The following CFAP54 variants were observed in gnomAD, a reference collection of about 807,000 sequenced individuals.
The protein encoded by CFAP54 is cilia and flagella associated protein 54.
A neutral mutation model predicts 370.4 loss-of-function variants in CFAP54; 290 were observed. The observed-to-expected ratio is 0.78, with a 90% CI of 0.71 to 0.86. The LOEUF (loss-of-function observed/expected upper bound fraction) is 0.86. CFAP54 is among the 40% of genes least tolerant of loss of function. The pLI is 0.00. For synonymous variants in CFAP54, 1,206 were observed against 1,236.5 expected, an observed-to-expected ratio of 0.98 and a Z score of 0.52; for missense variants, 3,399 against 3,528.7, an observed-to-expected ratio of 0.96 and a Z score of 0.93.
chr12:96,681,251 C>T (rs181454236), intron 40 of CFAP54, among the ~76,000 whole-genome samples: 3 of 152,254 alleles, frequency 2.0e-5, no homozygotes, highest in Admixed American at 1.3e-4. Context: ...CTCTAGTCCT[C>T]AGGCTGTAGA....
chr12:96,630,752 G>A, intron 32 of CFAP54, 101 bp downstream of exon 32: 1 of 565,616 alleles, frequency 1.8e-6, no homozygotes, highest in Non-Finnish European at 2.8e-6. Context: ...CCAGACAGGT[G>A]AAATCACTGC....
At chr12:96,840,864 T>C (rs1197490228) in intron 66 of CFAP54, among the ~76,000 whole-genome samples, 7 of 152,212 alleles carry the variant, frequency 4.6e-5, no homozygotes, top group Non-Finnish European at 1.0e-4. Flanking sequence ...CCACTTACTG[T>C]TCACTTCTAA....
At chr12:96,617,362 A>C (rs951816390) in intron 26 of CFAP54, among the ~76,000 whole-genome samples, 6 of 152,340 alleles carry the variant, frequency 3.9e-5, no homozygotes, top group South Asian at 2.1e-4. Flanking sequence ...CACCAGGGGG[A>C]TGGTGCATAG....
rs139455974 is a variant in CFAP54 at position 96,517,702 on chromosome 12, A to G, written c.799-1226A>G. The stretch of plus-strand genomic sequence containing the variant: ...AACCTTAGTCTAATTTAGAAGAGGT[A>G]CAGTGTCCACAACCAGGGACTGAAA... On this transcript the variant is annotated intron_variant, in intron 5 of 67. Transcript: ENST00000524981. Among the ~76,000 whole-genome samples the G allele has an allele frequency of 8.3e-4, 127 of 152,374 alleles. No homozygotes were observed. The East Asian group carries it at 0.021, about 25-fold the overall frequency.
intron 22 of CFAP54, among the ~76,000 whole-genome samples, chr12:96,587,319 A>G (rs1235453900): frequency 6.6e-6 from 1 of 152,156 alleles, no homozygotes; most frequent in Admixed American, 6.5e-5. Flanking sequence ...CAGTTCACAG[A>G]GTGAACCCTG....
At chr12:96,802,843 G>A (rs752144067) in intron 63 of CFAP54, among the ~76,000 whole-genome samples, 3 of 151,864 alleles carry the variant, frequency 2.0e-5, no homozygotes, top group African/African-American at 4.8e-5. Flanking sequence ...CCTACCCACC[G>A]ACAGGCCCCA....
intron 26 of CFAP54, among the ~76,000 whole-genome samples, chr12:96,619,834 A>G (rs368193505): frequency 1.4e-4 from 21 of 152,286 alleles, no homozygotes; most frequent in South Asian, 6.2e-4. Context: ...TCTTCTGCTC[A>G]TATACATTTC....
intron 4 of CFAP54, among the ~76,000 whole-genome samples, chr12:96,511,140 C>A (rs1158482145): frequency 1.3e-5 from 2 of 151,830 alleles, no homozygotes; most frequent in African/African-American, 4.8e-5. Context: ...ATGCCAAGTC[C>A]CTGAATGTTA....
At chr12:96,519,470 A>T (rs991675497) in intron 6 of CFAP54, among the ~76,000 whole-genome samples, 1 of 152,158 alleles carries the variant, frequency 6.6e-6, no homozygotes, top group Non-Finnish European at 1.5e-5. Context: ...ACAAAACCCA[A>T]CCAAAGAATT....
intron 50 of CFAP54, among the ~76,000 whole-genome samples, chr12:96,729,553 C>T (rs186151104): frequency 0.011 from 1,697 of 152,316 alleles, 24 homozygotes; most frequent in African/African-American, 0.038. Flanking sequence ...GCTCAGTATT[C>T]GGGTGGGAGT....
chr12:96,680,512 AATAAT>A (rs1957257693), intron 40 of CFAP54, among the ~76,000 whole-genome samples: 1 of 152,216 alleles, frequency 6.6e-6, no homozygotes, highest in African/African-American at 2.4e-5. Context: ...ATACATGTAA[AATAAT>A]ATAAAGTTAT....
chr12:96,779,543 A>C (rs562477113), intron 60 of CFAP54, among the ~76,000 whole-genome samples: 1 of 150,680 alleles, frequency 6.6e-6, no homozygotes, highest in South Asian at 2.1e-4. Flanking sequence ...TAAGACATGC[A>C]TGGTTTTAGC....
chr12:96,617,022 A>G (rs1445059063), intron 26 of CFAP54, among the ~76,000 whole-genome samples: 2 of 152,204 alleles, frequency 1.3e-5, no homozygotes, highest in Non-Finnish European at 2.9e-5. Flanking sequence ...TATTTATGAG[A>G]TAGAATTGAG....
intron 49 of CFAP54, 90 bp downstream of exon 49, chr12:96,718,612 G>C (rs1289134275): frequency 1.2e-5 from 9 of 730,214 alleles, no homozygotes; most frequent in Non-Finnish European, 1.9e-5. Context: ...AGTTATGCTT[G>C]CTCTTGTGAG....
chr12:96,617,554 G>A (rs1956433458), intron 26 of CFAP54, among the ~76,000 whole-genome samples: 1 of 152,166 alleles, frequency 6.6e-6, no homozygotes, highest in African/African-American at 2.4e-5. Flanking sequence ...TTCTGTCATT[G>A]TCACATGGTG....
chr12:96,664,654 G>C lies in CFAP54; in HGVS notation c.5563+722G>C, dbSNP rs1957038495. 2.7e-5 allele frequency among the ~76,000 whole-genome samples: 3 copies of C among 111,408 alleles called. No homozygotes were observed. In the South Asian group the frequency reaches 8.1e-4, roughly 30 times the overall value. 73.1% of individuals were successfully genotyped at this position (111,408 alleles called of 152,430 possible). Reference sequence around the variant, plus strand: ...TGTGTGTGTGTGTGTGTGTGTGTGTGTGTCTTTATAATAGAACAATTTATA... The same window carrying C: ...TGTGTGTGTGTGTGTGTGTGTGTGTCTGTCTTTATAATAGAACAATTTATA... On this transcript the variant is annotated intron_variant, in intron 39 of 67. Transcript: ENST00000524981.
At chr12:96,808,906 A>G (rs1382615202) in intron 63 of CFAP54, among the ~76,000 whole-genome samples, 1 of 152,192 alleles carries the variant, frequency 6.6e-6, no homozygotes, top group Non-Finnish European at 1.5e-5. Context: ...AACTGAGATT[A>G]CCCAGGAGGT....
rs1565993857 is a variant in CFAP54, at chr12:96,826,902, A to G, written c.9097-2112A>G. On this transcript the variant is annotated intron_variant, in intron 65 of 67. Transcript: ENST00000524981. ...ATTATATAATATTATATGATATATT[A>G]TATATGCAATTATATATGATTATAT... is the stretch of plus-strand genomic sequence containing the variant. Among the ~76,000 whole-genome samples the G allele has an allele frequency of 3.3e-5, 4 of 120,736 alleles. No homozygotes were observed. The South Asian group carries it at 9.4e-4, about 28-fold the overall frequency. 79.2% of individuals were successfully genotyped at this position (120,736 alleles called of 152,430 possible).
chr12:96,632,613 ATATCAAACCATCATAATTACTCTAG>A (rs982865748), intron 32 of CFAP54, among the ~76,000 whole-genome samples: 11 of 151,984 alleles, frequency 7.2e-5, no homozygotes, highest in African/African-American at 1.2e-4. Context: ...TCCTGAGTCA[ATATCAAACCATCATAATTACTCTAG>A]TTTTAAATTG....
Sources: allele counts gnomAD v4.1 joint callset (sites outside exome capture counted in the v4.1 genomes callset), GRCh38; gene constraint gnomAD v4.1.1; transcripts MANE v1.5; gene names NCBI Gene and HGNC (gene_info 2026-07-23, HGNC 2026-07-21).